Variants in ARID1B observed in about 807,000 individuals in gnomAD.
The protein encoded by ARID1B is AT-rich interactive domain-containing protein 1B.
In ARID1B, 30 loss-of-function variants were observed where a neutral mutation model predicts 212.3. The observed-to-expected ratio is 0.14, with a 90% confidence interval of 0.11 to 0.19. The LOEUF (loss-of-function observed/expected upper bound fraction) is 0.19. Ranked by LOEUF, ARID1B falls within the 10% of genes least tolerant of loss-of-function variation. The pLI, the probability that ARID1B is intolerant of heterozygous loss-of-function variation, is 1.00. For missense variants in ARID1B, 2,891 were observed against 3,204.0 expected (o/e 0.90, Z 2.36); for synonymous variants, 1,402 against 1,301.7 (o/e 1.08, Z -1.66).
intron 2 of ARID1B, among the ~76,000 whole-genome samples, chr6:156,872,994 A>G (rs9397979): frequency 0.22 from 33,689 of 151,918 alleles, 3,803 homozygotes; most frequent in Non-Finnish European, 0.24. Flanking sequence ...TCTTCCTTCC[A>G]TCTTGTGCCA....
rs915310913 is a variant in ARID1B at position 157,183,653 on chromosome 6, G to A, written c.3715-578G>A. 3.9e-5 allele frequency among the ~76,000 whole-genome samples: 6 copies of A among 152,176 alleles called. No homozygotes were observed. In the East Asian group the frequency reaches 5.8e-4, roughly 15 times the overall value. On this transcript the variant is annotated intron_variant, in intron 12 of 19. Transcript: ENST00000636930. ...TTAAGCCTCCTTGAGTAAGAGCACC[G>A]CACAGGAAGGTGTGCACCTGCCCCG...
rs1009179822 is a variant in ARID1B at position 157,200,755 on chromosome 6, C to T, written c.4530C>T (p.His1510=). 6 of 1,613,480 alleles carry T rather than the reference C, an allele frequency of 3.7e-6. No individual in the cohort carries two copies. Among genetic ancestry groups the T allele is most frequent in the Non-Finnish European group, 3.4e-6 (4 of 1,179,842 alleles). The change falls in exon 18 of 20, where the codon CAC becomes CAT. Residue 1510 remains histidine (H), a synonymous_variant. Transcript: ENST00000636930. This position sits in a 1 kb window ranked among gnomAD's most constrained non-coding sequence, Gnocchi z 4.3. The part of the protein sequence containing the change: ...DGMYGPPAKR[H]EGDMYNMQYS... ...TGTACGGGCCCCCAGCCAAGCGCCA[C>T]GAGGGCGACATGTACAACATGCAGT...
chr6:156,835,388 T>C (rs1783441606), intron 2 of ARID1B, among the ~76,000 whole-genome samples: 1 of 152,196 alleles, frequency 6.6e-6, no homozygotes, highest in African/African-American at 2.4e-5. Context: ...AGAGATCATA[T>C]TTTAAGTTAA....
At chr6:156,780,313 C>T (rs1779160741) in intron 1 of ARID1B, 1 of 152,190 alleles carries the variant, frequency 6.6e-6, no homozygotes, top group Non-Finnish European at 1.5e-5. Context: ...AGTAAGATAG[C>T]AGACCAGTGA....
chr6:156,940,644 G>T (rs1792601856), intron 4 of ARID1B: 1 of 152,148 alleles, frequency 6.6e-6, no homozygotes, highest in African/African-American at 2.4e-5. Context: ...AGAATACTCT[G>T]TTTGTGTTGG....
intron 19 of ARID1B, chr6:157,204,230 CTGTG>C (rs1451228946): frequency 4.3e-6 from 2 of 460,374 alleles, no homozygotes; most frequent in East Asian, 7.2e-5. Flanking sequence ...AGAACAGTGA[CTGTG>C]TGTGTATGTG....
chr6:156,821,449 A>G (rs1022772820), intron 1 of ARID1B, among the ~76,000 whole-genome samples: 12 of 152,210 alleles, frequency 7.9e-5, no homozygotes, highest in African/African-American at 2.4e-4. Flanking sequence ...CTGCCAAAGG[A>G]CCAAAGTAAT....
chr6:157,179,794 G>A (rs1487886754), intron 11 of ARID1B, among the ~76,000 whole-genome samples: 1 of 152,172 alleles, frequency 6.6e-6, no homozygotes, highest in Non-Finnish European at 1.5e-5. Flanking sequence ...CATCCTTTCT[G>A]AGGGACCTAC....
intron 4 of ARID1B, chr6:157,071,589 T>A (rs1477110565): frequency 2.0e-5 from 3 of 152,228 alleles, no homozygotes; most frequent in Admixed American, 1.3e-4. Context: ...GTTGAGGAGT[T>A]ATTCCGGGCA....
intron 1 of ARID1B, among the ~76,000 whole-genome samples, chr6:156,817,779 C>G (rs1425922449): frequency 2.0e-5 from 3 of 152,136 alleles, no homozygotes; most frequent in Non-Finnish European, 4.4e-5. Flanking sequence ...CTTTATTATT[C>G]TGTCTGTTCA....
Position 156,844,368 on chromosome 6 carries a change from G to T in ARID1B, c.1986+14947G>T, listed in dbSNP as rs549106590. 1.1e-4 allele frequency among the ~76,000 whole-genome samples: 16 copies of T among 152,360 alleles called. No individual in the cohort carries two copies. The East Asian group carries it at 3.1e-3, about 29-fold the overall frequency. On this transcript the variant is annotated intron_variant, in intron 2 of 19. Transcript: ENST00000636930. ...CTGTGTATCCAGAGAGGATGGAAGT[G>T]CAGTATGTCTCTAAACATTGTTTTG...
At chr6:156,943,036 G>C (rs1182885731) in intron 4 of ARID1B, 1 of 152,278 alleles carries the variant, frequency 6.6e-6, no homozygotes, top group South Asian at 2.1e-4. Flanking sequence ...TTAACTGTCA[G>C]TTTAGGAGAG....
At chr6:156,805,602 A>G (rs946386675) in intron 1 of ARID1B, among the ~76,000 whole-genome samples, 16 of 152,160 alleles carry the variant, frequency 1.1e-4, no homozygotes, top group African/African-American at 3.9e-4. Flanking sequence ...TTCTATCCAA[A>G]TGTCACCTTT....
chr6:157,102,264 C>T (rs764011959), intron 5 of ARID1B, among the ~76,000 whole-genome samples: 14 of 152,132 alleles, frequency 9.2e-5, no homozygotes, highest in Admixed American at 2.6e-4. Context: ...GTATAATTTA[C>T]GCAATTGCAT....
intron 4 of ARID1B, among the ~76,000 whole-genome samples, chr6:156,986,401 T>C (rs1777919078): frequency 6.6e-6 from 1 of 152,224 alleles, no homozygotes; most frequent in African/African-American, 2.4e-5. Flanking sequence ...TCTCCAAAGT[T>C]TGTCTAATTA....
At chr6:157,114,001 A>G (rs539582490) in intron 6 of ARID1B, among the ~76,000 whole-genome samples, 6 of 152,284 alleles carry the variant, frequency 3.9e-5, no homozygotes, top group African/African-American at 1.4e-4. Flanking sequence ...ACAATAATAG[A>G]AACATCTGTT....
At chr6:156,838,499 C>T (rs779879161) in intron 2 of ARID1B, among the ~76,000 whole-genome samples, 21 of 152,104 alleles carry the variant, frequency 1.4e-4, no homozygotes, top group Admixed American at 3.3e-4. Context: ...GAGCTGCCAA[C>T]GATAGCGAGA....
Position 157,203,658 on chromosome 6 carries a change from G to A in ARID1B, c.5264-208G>A, listed in dbSNP as rs1475301467. 6.3e-5 allele frequency: 40 copies of A among 635,152 alleles called. No individual in the cohort carries two copies. The highest frequency in any genetic ancestry group is 1.7e-4 in the South Asian group (9 of 52,922). 39.3% of individuals were successfully genotyped at this position (635,152 alleles called of 1,614,324 possible). On this transcript the variant is annotated intron_variant, in intron 18 of 19. Coordinates refer to ENST00000636930, the MANE Select transcript of ARID1B (RefSeq NM_001374828.1). The surrounding 1 kb of genome is among the most constrained non-coding windows in gnomAD (Gnocchi z 4.4). The stretch of plus-strand genomic sequence containing the variant: ...TCGGCCCCTGCGTGACCAACAAAGC[G>A]AGATCTGAAACCACAAAAGTTTCTC...
chr6:157,147,388 C>T (rs1207970478), intron 7 of ARID1B, among the ~76,000 whole-genome samples: 4 of 71,776 alleles, frequency 5.6e-5, no homozygotes, highest in East Asian at 3.6e-4. Context: ...CTCACCCCCG[C>T]CTCCGACCCT....
Sources: gnomAD v4.1 joint callset for allele counts (sites outside exome capture counted in the v4.1 genomes callset) on GRCh38, gnomAD v4.1.1 for gene constraint, Gnocchi (gnomAD v3.1) non-coding constraint, MANE v1.5 for transcripts, NCBI Gene and HGNC (gene_info 2026-07-23, HGNC 2026-07-21) for gene names.